RIOK2: variants seen among roughly 807,000 people sequenced by gnomAD.
The protein encoded by RIOK2 is serine/threonine-protein kinase RIO2.
Under a neutral mutation model 62.4 loss-of-function variants are expected in RIOK2, and 46 were observed. The ratio of observed to expected loss-of-function variants is 0.74; its 90% CI spans 0.58 to 0.94. The LOEUF (loss-of-function observed/expected upper bound fraction) is 0.94. Among genes scored for constraint, RIOK2 ranks in the 40% least tolerant of loss-of-function variants. The pLI is 0.00. For missense variants in RIOK2, 574 were observed against 658.0 expected (o/e 0.87, Z 1.40); for synonymous variants, 197 against 216.0 (o/e 0.91, Z 0.77).
Position 97,181,825 on chromosome 5 carries a change from G to A in RIOK2, c.66+1301C>T, listed in dbSNP as rs139383429. On this transcript the variant is annotated intron_variant, in intron 1 of 9. Coordinates refer to ENST00000283109, the MANE Select transcript of RIOK2 (RefSeq NM_018343.3). ...AAGGAATGAGTGTGCTGAGAAAGCA[G>A]GAAAGGAAGGTATCTTTCCGAAGTG... is the stretch of plus-strand genomic sequence containing the variant. Among the ~76,000 whole-genome samples the A allele has an allele frequency of 5.9e-5, 9 of 152,252 alleles. No individual in the cohort carries two copies. The East Asian group carries it at 1.7e-3, about 29-fold the overall frequency.
chr5:97,178,693 CCT>C, intron 2 of RIOK2: 1 of 308,094 alleles, frequency 3.2e-6, no homozygotes, highest in Non-Finnish European at 6.0e-6. Flanking sequence ...CAGTACTCTA[CCT>C]GCTCTTCTGC....
intron 6 of RIOK2, among the ~76,000 whole-genome samples, chr5:97,170,212 T>C (rs1237798890): frequency 6.6e-6 from 1 of 152,154 alleles, no homozygotes; most frequent in African/African-American, 2.4e-5. Context: ...AAAAAATCCT[T>C]AGTTACACTC....
intron 1 of RIOK2, among the ~76,000 whole-genome samples, chr5:97,180,008 A>ATATATATAATATATATATAATATATATAT (rs1245327428): frequency 6.6e-4 from 43 of 65,224 alleles, no homozygotes; most frequent in Non-Finnish European, 1.1e-3. Context: ...TATATATTAT[A>ATATATATAATATATATATAATATATATAT]TATATATAAT....
chr5:97,176,960 T>A (rs891074242), intron 4 of RIOK2, 156 bp downstream of exon 4: 7 of 641,216 alleles, frequency 1.1e-5, no homozygotes, highest in Non-Finnish European at 1.6e-5. Context: ...AGAGCCCAAA[T>A]AATCAACAGA....
intron 9 of RIOK2, among the ~76,000 whole-genome samples, chr5:97,163,482 G>A (rs1748758201): frequency 6.6e-6 from 1 of 152,144 alleles, no homozygotes; most frequent in Non-Finnish European, 1.5e-5. Context: ...AAAACTGATG[G>A]AAAAAACAAG....
At chr5:97,168,130 A>C in intron 7 of RIOK2, 139 bp from the exon 8 acceptor site, 1 of 817,286 alleles carries the variant, frequency 1.2e-6, no homozygotes, top group Non-Finnish European at 1.8e-6. Flanking sequence ...CTTCCCTAAA[A>C]TGTAATATTT....
chr5:97,163,289 A>G lies in RIOK2; in HGVS notation c.1495-64T>C, dbSNP rs912990720. On this transcript the variant is annotated intron_variant, in intron 9 of 9. Coordinates refer to ENST00000283109, the MANE Select transcript of RIOK2 (RefSeq NM_018343.3). The stretch of plus-strand genomic sequence containing the variant: ...CCATTTCAAAAAGTACACTGCTAAT[A>G]TCTGTTCTATTTATATATTGACACC... The G allele has an allele frequency of 3.8e-6, 5 of 1,316,968 alleles. No homozygotes were observed. In the Admixed American group the frequency reaches 5.5e-5, roughly 14 times the overall value. The allele number at this position is 1,316,968 out of a possible 1,614,324, so 81.6% of individuals were successfully genotyped here. A position where few individuals can be genotyped will look rare whatever the true frequency, so the allele number is the denominator to read the frequency against.
chr5:97,176,309 TC>T (rs1232957111), intron 4 of RIOK2, among the ~76,000 whole-genome samples: 2 of 152,186 alleles, frequency 1.3e-5, no homozygotes, highest in Non-Finnish European at 2.9e-5. Flanking sequence ...AACCCACTTC[TC>T]TTCATCCTTA....
At chr5:97,168,528 A>G (rs367600885) in intron 7 of RIOK2, among the ~76,000 whole-genome samples, 2 of 152,220 alleles carry the variant, frequency 1.3e-5, no homozygotes, top group East Asian at 1.9e-4. Context: ...TCTTGAATTT[A>G]TAAGAATCTA....
chr5:97,165,185 G>A, intron 8 of RIOK2, 38 bp from the exon 9 acceptor site: 1 of 1,070,740 alleles, frequency 9.3e-7, no homozygotes, highest in Non-Finnish European at 1.3e-6. Context: ...TAGTTAATTT[G>A]TATAATGTAA....
At chr5:97,164,193 A>AT (rs1748779657) in intron 9 of RIOK2, among the ~76,000 whole-genome samples, 1 of 151,772 alleles carries the variant, frequency 6.6e-6, no homozygotes, top group Non-Finnish European at 1.5e-5. Flanking sequence ...GCCCGGCCAA[A>AT]TTTGTACTTA....
intron 1 of RIOK2, chr5:97,182,777 T>TGG: frequency 8.3e-6 from 1 of 119,922 alleles, no homozygotes; most frequent in Non-Finnish European, 1.5e-5. Context: ...TTATCAAATC[T>TGG]CGGGGGGGGG....
At chr5:97,177,412 T>C in intron 3 of RIOK2, 121 bp from the exon 4 acceptor site, 1 of 905,490 alleles carries the variant, frequency 1.1e-6, no homozygotes, top group Non-Finnish European at 1.6e-6. Flanking sequence ...AAAGATTGAG[T>C]ATCCCTCCTT....
intron 6 of RIOK2, among the ~76,000 whole-genome samples, chr5:97,170,567 C>T (rs572845120): frequency 1.3e-4 from 20 of 152,298 alleles, no homozygotes; most frequent in African/African-American, 4.1e-4. Context: ...CCACTACACT[C>T]CCTACTTTTA....
intron 2 of RIOK2, among the ~76,000 whole-genome samples, chr5:97,178,278 G>C (rs1749224993): frequency 6.8e-6 from 1 of 146,590 alleles, no homozygotes. Flanking sequence ...ACTACTGATT[G>C]TATTTTCCAA....
intron 9 of RIOK2, among the ~76,000 whole-genome samples, chr5:97,164,146 C>T (rs567369065): frequency 6.6e-6 from 1 of 152,062 alleles, no homozygotes; most frequent in African/African-American, 2.4e-5. Context: ...TCCACCTTGG[C>T]CCCCAAAGTG....
intron 4 of RIOK2, among the ~76,000 whole-genome samples, chr5:97,173,477 C>CTTTAAACAAAAG (rs1359304416): frequency 1.3e-5 from 2 of 152,250 alleles, no homozygotes; most frequent in East Asian, 3.9e-4. Context: ...TTTGAATTCA[C>CTTTAAACAAAAG]TTTTCCACAA....
intron 9 of RIOK2, among the ~76,000 whole-genome samples, 186 bp from the exon 10 acceptor site, chr5:97,163,411 A>C (rs1411065323): frequency 6.6e-6 from 1 of 152,226 alleles, no homozygotes; most frequent in Non-Finnish European, 1.5e-5. Context: ...TATAGCAAAA[A>C]ATATAGTGTA....
In RIOK2 at chr5:97,163,104, T is replaced by A; in HGVS notation, c.1616A>T (p.Asn539Ile). The A allele has an allele frequency of 1.2e-6, 2 of 1,613,366 alleles. No homozygotes were observed. Among genetic ancestry groups the A allele is most frequent in the Non-Finnish European group, 1.7e-6 (2 of 1,179,728 alleles). Reference protein sequence around the residue: ...FTKQRRENMQNIKSSLEAASF... With the variant: ...FTKQRRENMQIIKSSLEAASF... ...GGCTGCTTCCAAACTTGATTTGATA[T>A]TTTGCATGTTTTCCCTACGTTGCTT... is the stretch of plus-strand genomic sequence containing the variant. The change falls in exon 10 of 10, where the codon AAT (asparagine) becomes ATT (isoleucine). Residue 539 changes from asparagine to isoleucine, a missense_variant. Coordinates refer to ENST00000283109, the MANE Select transcript of RIOK2 (RefSeq NM_018343.3).
Sources: gnomAD v4.1 joint callset for allele counts (sites outside exome capture counted in the v4.1 genomes callset) on GRCh38, gnomAD v4.1.1 for gene constraint, MANE v1.5 for transcripts, NCBI Gene and HGNC (gene_info 2026-07-23, HGNC 2026-07-21) for gene names.